Variants in HEMK2 observed in about 807,000 individuals in gnomAD.
HEMK2 encodes methyltransferase HEMK2.
chr21:28,581,318 G>A, the HEMK2 span, among the ~76,000 whole-genome samples: 1 of 151,870 alleles, frequency 6.6e-6, no homozygotes, highest in African/African-American at 2.4e-5. Context: ...AAGGTACCCA[G>A]GGCAGAAGGA....
At chr21:28,676,512 C>T in the HEMK2 span, among the ~76,000 whole-genome samples, 16 of 151,732 alleles carry the variant, frequency 1.1e-4, no homozygotes, top group Middle Eastern at 6.8e-3. Flanking sequence ...TCTTGAAATC[C>T]TGAAAGATCA....
chr21:28,804,699 A>C, the HEMK2 span, among the ~76,000 whole-genome samples: 2 of 152,242 alleles, frequency 1.3e-5, no homozygotes, highest in Non-Finnish European at 2.9e-5. Flanking sequence ...AGGCTGATGG[A>C]TCATAAACCA....
chr21:28,603,220 C>A, the HEMK2 span, among the ~76,000 whole-genome samples: 1 of 152,060 alleles, frequency 6.6e-6, no homozygotes, highest in African/African-American at 2.4e-5. Context: ...ATAAATTTCT[C>A]TTGGGAAAAT....
the HEMK2 span, among the ~76,000 whole-genome samples, chr21:28,642,685 G>T: frequency 1.3e-5 from 2 of 152,212 alleles, no homozygotes; most frequent in Admixed American, 6.5e-5. Context: ...AGAAAGGGAT[G>T]GGAAGGTGAT....
At chr21:28,823,278 G>A in the HEMK2 span, among the ~76,000 whole-genome samples, 1 of 152,222 alleles carries the variant, frequency 6.6e-6, no homozygotes, top group East Asian at 1.9e-4. Flanking sequence ...TTTCTGTTGT[G>A]ATTTTTCAAC....
the HEMK2 span, among the ~76,000 whole-genome samples, chr21:28,623,035 G>C: frequency 1.1e-3 from 163 of 152,234 alleles, no homozygotes; most frequent in Non-Finnish European, 2.0e-3. Context: ...ACTATCATCA[G>C]AGTGAAGAGG....
chr21:28,694,628 A>ATT, the HEMK2 span, among the ~76,000 whole-genome samples: 12 of 150,192 alleles, frequency 8.0e-5, no homozygotes, highest in South Asian at 2.1e-4. Context: ...TCCCTCCTCT[A>ATT]TTTTTTTTTG....
chr21:28,841,374 TTATATATAATATATAAAATATTA>T, the HEMK2 span, among the ~76,000 whole-genome samples: 1 of 29,410 alleles, frequency 3.4e-5, no homozygotes, highest in Non-Finnish European at 4.9e-5. Flanking sequence ...ATATAAAATA[TTATATATAATATATAAAATATTA>T]TATATATAAT....
At chr21:28,692,168 A>G in the HEMK2 span, among the ~76,000 whole-genome samples, 4 of 152,180 alleles carry the variant, frequency 2.6e-5, no homozygotes, top group Non-Finnish European at 5.9e-5. Context: ...CTGTTGACCC[A>G]TGAGATTCCT....
chr21:28,608,021 T>C, the HEMK2 span, among the ~76,000 whole-genome samples: 1 of 152,128 alleles, frequency 6.6e-6, no homozygotes, highest in African/African-American at 2.4e-5. Flanking sequence ...CAAACAAAAT[T>C]ATGTTGACGA....
At chr21:28,678,152 A>T in the HEMK2 span, among the ~76,000 whole-genome samples, 1 of 152,178 alleles carries the variant, frequency 6.6e-6, no homozygotes, top group East Asian at 1.9e-4. Context: ...CTGGAAAAAA[A>T]TTAGACAAAT....
the HEMK2 span, among the ~76,000 whole-genome samples, chr21:28,747,493 G>A: frequency 6.6e-6 from 1 of 152,208 alleles, no homozygotes; most frequent in African/African-American, 2.4e-5. Flanking sequence ...ATCCTGTGCA[G>A]AGGAAAACAA....
chr21:28,634,707 A>C, the HEMK2 span, among the ~76,000 whole-genome samples: 28 of 152,296 alleles, frequency 1.8e-4, no homozygotes, highest in Non-Finnish European at 2.9e-4. Context: ...CAATTTACCG[A>C]ACCTCTCTGA....
the HEMK2 span, among the ~76,000 whole-genome samples, chr21:28,643,515 A>G: frequency 0.048 from 7,260 of 152,206 alleles, 251 homozygotes; most frequent in Middle Eastern, 0.14. Context: ...CCTTCTCTAG[A>G]GAAAAAAATT....
chr21:28,784,238 T>C, the HEMK2 span, among the ~76,000 whole-genome samples: 2 of 152,240 alleles, frequency 1.3e-5, no homozygotes, highest in South Asian at 2.1e-4. Flanking sequence ...AGTGGGGACT[T>C]GGAGAACCTT....
At chr21:28,731,987 G>A in the HEMK2 span, among the ~76,000 whole-genome samples, 1 of 152,176 alleles carries the variant, frequency 6.6e-6, no homozygotes, top group Non-Finnish European at 1.5e-5. Flanking sequence ...GGTGGTACGT[G>A]TCACTCCTAG....
the HEMK2 span, among the ~76,000 whole-genome samples, chr21:28,764,237 T>A: frequency 6.6e-6 from 1 of 152,040 alleles, no homozygotes; most frequent in Non-Finnish European, 1.5e-5. Flanking sequence ...TAGTCTAATA[T>A]CCAAGTCTGG....
At chr21:28,795,725 T>A in the HEMK2 span, among the ~76,000 whole-genome samples, 3 of 152,214 alleles carry the variant, frequency 2.0e-5, no homozygotes, top group Admixed American at 6.5e-5. Flanking sequence ...GAGCCCAATG[T>A]TCAGGAAATG....
At chr21:28,721,210 G>A in the HEMK2 span, among the ~76,000 whole-genome samples, 1 of 152,056 alleles carries the variant, frequency 6.6e-6, no homozygotes, top group African/African-American at 2.4e-5. Context: ...CGACCTCCAG[G>A]GCTCCATCCA....
Sources: allele counts gnomAD v4.1 joint callset (sites outside exome capture counted in the v4.1 genomes callset), GRCh38; gene constraint gnomAD v4.1.1; transcripts MANE v1.5; gene names NCBI Gene and HGNC (gene_info 2026-07-23, HGNC 2026-07-21).